The following TRIML1 variants were observed in gnomAD, a reference collection of about 807,000 sequenced individuals.
TRIML1 encodes probable E3 ubiquitin-protein ligase TRIML1.
In TRIML1, 34 loss-of-function variants were observed where a neutral mutation model predicts 32.3. The observed-to-expected ratio is 1.05, with a 90% CI of 0.80 to 1.40. TRIML1 has a LOEUF of 1.40. Among genes scored for constraint, TRIML1 ranks in the 40% most tolerant of loss-of-function variants. TRIML1 has a pLI of 0.00. For synonymous variants in TRIML1, 244 were observed against 226.6 expected, an observed-to-expected ratio of 1.08 and a Z score of -0.69; for missense variants, 595 against 574.9, an observed-to-expected ratio of 1.03 and a Z score of -0.36.
intron 3 of TRIML1, chr4:188,143,504 C>T (rs62351462): frequency 0.075 from 26,569 of 355,932 alleles, 1,246 homozygotes; most frequent in East Asian, 0.21. Flanking sequence ...CAGTTCTCAC[C>T]AGCCCATTTT....
intron 2 of TRIML1, 89 bp from the exon 3 acceptor site, chr4:188,142,163 T>C (rs1734879707): frequency 1.1e-6 from 1 of 926,186 alleles, no homozygotes; most frequent in Non-Finnish European, 1.6e-6. Flanking sequence ...CTTGTAAGGA[T>C]TAAAAATCTA....
At position 188,139,831 on chromosome 4, in the gene TRIML1, GC is replaced by G; in HGVS notation, c.274del (p.Gln92ArgfsTer25). 6.2e-7 allele frequency: 1 copy of G among 1,613,912 alleles called. No individual in the cohort carries two copies. The highest frequency in any genetic ancestry group is 8.5e-7 in the Non-Finnish European group (1 of 1,180,034). On this transcript the variant is annotated frameshift_variant, in exon 1 of 6. Transcript: ENST00000332517. LOFTEE classifies it high-confidence loss of function. ...RSQVLQSEDE[Q>X]GSYGRMPTTA... ...CCCAGGTGCTGCAGAGCGAGGATGA[GC>G]AGGGCAGCTACGGGAGGATGCCCAC...
chr4:188,147,247 C>T lies in TRIML1; in HGVS notation c.1282C>T (p.Leu428Phe). 4 of 1,603,996 alleles carry T rather than the reference C, an allele frequency of 2.5e-6. No homozygotes were observed. The highest frequency in any genetic ancestry group is 3.4e-6 in the Non-Finnish European group (4 of 1,174,588). The change falls in exon 6 of 6, where the codon CTC becomes TTC. Residue 428 changes from leucine to phenylalanine, a missense_variant. Leu to Phe is a conservative substitution (Grantham distance 22). Transcript: ENST00000332517. Reference protein sequence around the residue: ...IAFYNGTDESLIYSFPQASFQ... With the variant: ...IAFYNGTDESFIYSFPQASFQ... Reference sequence around the variant, plus strand: ...ATTCTACAACGGGACGGATGAATCCCTCATCTACAGCTTCCCGCAGGCTTC... The same window carrying T: ...ATTCTACAACGGGACGGATGAATCCTTCATCTACAGCTTCCCGCAGGCTTC...
At chr4:188,140,961 C>A in intron 2 of TRIML1, 1 of 175,416 alleles carries the variant, frequency 5.7e-6, no homozygotes, top group Non-Finnish European at 1.2e-5. Context: ...ATCTCAAAAA[C>A]ATGGAGGGGA....
chr4:188,143,508 C>A (rs1427698108), intron 3 of TRIML1: 2 of 362,426 alleles, frequency 5.5e-6, no homozygotes, highest in Non-Finnish European at 1.0e-5. Context: ...TCTCACCAGC[C>A]CATTTTCCTT....
intron 5 of TRIML1, among the ~76,000 whole-genome samples, chr4:188,144,630 G>A (rs1180673297): frequency 6.6e-6 from 1 of 151,880 alleles, no homozygotes; most frequent in East Asian, 1.9e-4. Context: ...CCAAAGTGCT[G>A]GGATTACAGG....
At chr4:188,144,506 G>C (rs183668451) in intron 5 of TRIML1, among the ~76,000 whole-genome samples, 1 of 144,118 alleles carries the variant, frequency 6.9e-6, no homozygotes, top group Non-Finnish European at 1.5e-5. Flanking sequence ...GGGACTACAG[G>C]CGCCCGCCAC....
chr4:188,143,817 T>A (rs139303406), intron 3 of TRIML1, 21 bp from the exon 4 acceptor site: 1 of 1,614,060 alleles, frequency 6.2e-7, no homozygotes, highest in Non-Finnish European at 8.5e-7. Flanking sequence ...CCATGCTAAC[T>A]TCTTTCTTTT....
At chr4:188,142,858 T>C (rs62354304) in intron 3 of TRIML1, 12,929 of 183,352 alleles carry the variant, frequency 0.071, 573 homozygotes, top group East Asian at 0.2. Context: ...CATTATGATA[T>C]GAACTCTAGG....
chr4:188,144,553 G>A lies in TRIML1; in HGVS notation c.856+420G>A, dbSNP rs555174600. On this transcript the variant is annotated intron_variant, in intron 5 of 5. Coordinates refer to ENST00000332517, the MANE Select transcript of TRIML1 (RefSeq NM_178556.5). ...AATTTTTTGTATTTTTAGTACAGAC[G>A]GGGTTTCACTGTGTTAGCCAGGATG... is the stretch of plus-strand genomic sequence containing the variant. 7.2e-3 allele frequency among the ~76,000 whole-genome samples: 864 copies of A among 119,424 alleles called. 34 individuals are homozygous for A. The highest frequency in any genetic ancestry group is 0.022 in the Middle Eastern group (4 of 184). The allele number at this position is 119,424 out of a possible 152,430, so 78.3% of individuals were successfully genotyped here. A position where few individuals can be genotyped will look rare whatever the true frequency, so the allele number is the denominator to read the frequency against.
At chr4:188,146,675 T>C in intron 5 of TRIML1, 147 bp from the exon 6 acceptor site, 2 of 557,960 alleles carry the variant, frequency 3.6e-6, no homozygotes, top group East Asian at 6.2e-5. Flanking sequence ...CCCAAAGTGC[T>C]GCATTACAGG....
intron 4 of TRIML1, 31 bp from the exon 5 acceptor site, chr4:188,144,005 C>A: frequency 6.2e-7 from 1 of 1,611,104 alleles, no homozygotes; most frequent in Non-Finnish European, 8.5e-7. Context: ...GCGGTCTGTG[C>A]CGAGGAGTGA....
downstream of TRIML1, among the ~76,000 whole-genome samples, chr4:188,150,275 T>C (rs7376410): frequency 0.79 from 120,347 of 151,660 alleles, 48,172 homozygotes; most frequent in Non-Finnish European, 0.84. Flanking sequence ...CCCATAGGCA[T>C]GCACCACCAC....
At chr4:188,143,021 G>A (rs79024752) in intron 3 of TRIML1, 4,100 of 151,424 alleles carry the variant, frequency 0.027, 103 homozygotes, top group African/African-American at 0.063. Flanking sequence ...ACCACCTTTG[G>A]TCTACTGCCC....
Position 188,142,499 on chromosome 4 carries a change from T to C in TRIML1, c.735+17T>C. The C allele has an allele frequency of 6.3e-7, 1 of 1,584,532 alleles. No homozygotes were observed. Among genetic ancestry groups the C allele is most frequent in the Non-Finnish European group, 8.7e-7 (1 of 1,155,126 alleles). On this transcript the variant is annotated intron_variant, in intron 3 of 5. Coordinates refer to ENST00000332517, the MANE Select transcript of TRIML1 (RefSeq NM_178556.5). ...TCTCTTGAGGTGAGAATAACATTCA[T>C]GAGAGTAATGGGAAAAATTATAGTA...
rs1453520250 is a variant in TRIML1 at position 188,145,428 on chromosome 4, C to T, written c.856+1295C>T. Among the ~76,000 whole-genome samples the T allele has an allele frequency of 1.0e-4, 12 of 118,896 alleles. 1 individual carries two copies. The highest frequency in any genetic ancestry group is 3.1e-4 in the African/African-American group (9 of 29,132). 78.0% of individuals were successfully genotyped at this position (118,896 alleles called of 152,430 possible). A position where few individuals can be genotyped will look rare whatever the true frequency, so the allele number is the denominator to read the frequency against. ...TTGCATTCCAGCCTGGGCGACAGAG[C>T]GAGACTCCGTCTCAAAAAAAAAAAA... On this transcript the variant is annotated intron_variant, in intron 5 of 5. Coordinates refer to ENST00000332517, the MANE Select transcript of TRIML1 (RefSeq NM_178556.5).
Position 188,147,039 on chromosome 4 carries a change from CA to C in TRIML1, c.1076del (p.Lys359ArgfsTer4), listed in dbSNP as rs752059463. The C allele has an allele frequency of 3.1e-6, 5 of 1,610,966 alleles. No homozygotes were observed. The South Asian group carries it at 3.3e-5, about 11-fold the overall frequency. ...NKTEWEVGIC[K>X]DSVSRKGNLP... ...AGACCGAGTGGGAAGTGGGCATCTG[CA>C]AGGACTCTGTGAGCAGAAAGGGGAA... On this transcript the variant is annotated frameshift_variant, in exon 6 of 6. Coordinates refer to ENST00000332517, the MANE Select transcript of TRIML1 (RefSeq NM_178556.5). LOFTEE classifies it low-confidence loss of function (END_TRUNC).
rs1734814678 is a variant in TRIML1 at position 188,140,528 on chromosome 4, G to T, written c.409G>T (p.Glu137Ter). Residue 137 changes from glutamate (E) to a stop codon, truncating the protein, a stop_gained and splice_region_variant, in exon 2 of 6, where the codon GAG (glutamate) becomes TAG (stop). Transcript: ENST00000332517. LOFTEE classifies it high-confidence loss of function. ...LSSEAEEHHR[E>*]KLQEILNLLR... ...CAGAAAGGGTTTGTTTCTATTGCAGGAGAAACTCCAGGAAATCCTGAATCT... is the reference window on the plus strand; with the variant it reads ...CAGAAAGGGTTTGTTTCTATTGCAGTAGAAACTCCAGGAAATCCTGAATCT... The T allele has an allele frequency of 1.2e-6, 2 of 1,613,294 alleles. No homozygotes were observed. Among genetic ancestry groups the T allele is most frequent in the Admixed American group, 3.3e-5 (2 of 59,972 alleles).
chr4:188,141,859 TC>T (rs1306676094), intron 2 of TRIML1, among the ~76,000 whole-genome samples: 1 of 151,920 alleles, frequency 6.6e-6, no homozygotes, highest in African/African-American at 2.4e-5. Flanking sequence ...ACACCTGTAA[TC>T]CCAGCACTTT....
Sources: gnomAD v4.1 joint callset for allele counts (sites outside exome capture counted in the v4.1 genomes callset) on GRCh38, gnomAD v4.1.1 for gene constraint, MANE v1.5 for transcripts, NCBI Gene and HGNC (gene_info 2026-07-23, HGNC 2026-07-21) for gene names.